The following NADK variants were observed in gnomAD, a reference collection of about 807,000 sequenced individuals.
The protein encoded by NADK is NAD kinase.
NADK carries 22 observed loss-of-function variants against 49.8 expected under a neutral mutation model. That is an observed-to-expected ratio of 0.44 (90% CI 0.32 to 0.63). The LOEUF (loss-of-function observed/expected upper bound fraction) is 0.63, where lower values mean the gene tolerates loss of function less well. Among genes scored for constraint, NADK ranks in the 30% least tolerant of loss-of-function variants. NADK has a pLI of 0.06. For missense variants in NADK, 438 were observed against 609.4 expected, an observed-to-expected ratio of 0.72 and a Z score of 2.96; for synonymous variants, 268 against 253.7, an observed-to-expected ratio of 1.06 and a Z score of -0.54.
intron 3 of NADK, chr1:1,761,747 G>T: frequency 1.9e-6 from 1 of 518,736 alleles, no homozygotes. Context: ...AGGGGGTTCA[G>T]GGAGGACGCC....
chr1:1,773,676 TTGTG>T (rs57063985), intron 1 of NADK, among the ~76,000 whole-genome samples: 9,151 of 116,458 alleles, frequency 0.079, 533 homozygotes, highest in African/African-American at 0.15. Context: ...AAGCTCTATT[TTGTG>T]TGTGTGTGTG....
chr1:1,753,885 C>T (rs1201531398), intron 10 of NADK, among the ~76,000 whole-genome samples, 166 bp downstream of exon 10: 2 of 152,200 alleles, frequency 1.3e-5, no homozygotes, highest in African/African-American at 2.4e-5. Context: ...ACTCGGGCAC[C>T]AGCAAGGGAA....
chr1:1,753,484 C>G, intron 11 of NADK, 83 bp downstream of exon 11: 1 of 1,190,710 alleles, frequency 8.4e-7, no homozygotes, highest in Non-Finnish European at 1.2e-6. Flanking sequence ...GCTGTGTCTA[C>G]AGGCCAACCG....
intron 3 of NADK, among the ~76,000 whole-genome samples, chr1:1,761,215 A>T (rs376307006): frequency 5.3e-5 from 8 of 151,728 alleles, no homozygotes; most frequent in African/African-American, 9.7e-5. Context: ...CTGGTCTTGA[A>T]CTCCTGACCT....
At chr1:1,762,072 T>A in intron 2 of NADK, 37 bp from the exon 3 acceptor site, 1 of 1,570,656 alleles carries the variant, frequency 6.4e-7, no homozygotes, top group Non-Finnish European at 8.8e-7. Flanking sequence ...CACCAGGGCC[T>A]GAAACCAGAC....
At chr1:1,758,955 C>T in intron 3 of NADK, 1 of 1,145,948 alleles carries the variant, frequency 8.7e-7, no homozygotes, top group Non-Finnish European at 1.2e-6. Flanking sequence ...AAGGGCGTTC[C>T]CTGCCTCCTA....
Position 1,754,721 on chromosome 1 carries a change from G to A in NADK, c.689-23C>T, listed in dbSNP as rs754096316. ...TCCCTGAGGTCCAGCAGGAGTCAGA[G>A]GGCATGCATCAGGGAAGTCAGTGGG... On this transcript the variant is annotated intron_variant, in intron 7 of 11. Transcript: ENST00000341426. The surrounding 1 kb of genome is among the most constrained non-coding windows in gnomAD (Gnocchi z 4.3). 1.3e-6 allele frequency: 2 copies of A among 1,598,838 alleles called. No individual in the cohort carries two copies. Among genetic ancestry groups the A allele is most frequent in the Non-Finnish European group, 8.5e-7 (1 of 1,172,750 alleles).
chr1:1,760,599 G>A (rs1168530253), intron 3 of NADK, among the ~76,000 whole-genome samples: 1 of 152,128 alleles, frequency 6.6e-6, no homozygotes, highest in African/African-American at 2.4e-5. Flanking sequence ...CCAGCAGCCT[G>A]CGCGCTGGAA....
chr1:1,753,713 C>G, intron 10 of NADK, 64 bp from the exon 11 acceptor site: 1 of 1,400,486 alleles, frequency 7.1e-7, no homozygotes, highest in Non-Finnish European at 9.9e-7. Context: ...TAGGCACCCA[C>G]CCCTGAGTGC....
At chr1:1,757,881 G>C (rs1300386786) in intron 3 of NADK, among the ~76,000 whole-genome samples, 1 of 152,052 alleles carries the variant, frequency 6.6e-6, no homozygotes, top group Non-Finnish European at 1.5e-5. Context: ...CACTCTCACA[G>C]TAAAAATCAC....
intron 1 of NADK, among the ~76,000 whole-genome samples, chr1:1,765,775 T>C (rs1645867701): frequency 1.3e-5 from 2 of 151,680 alleles, no homozygotes; most frequent in Admixed American, 6.6e-5. Flanking sequence ...AAATTAGCTG[T>C]GGTGGGCGCC....
At chr1:1,773,162 G>A (rs978031683) in intron 1 of NADK, among the ~76,000 whole-genome samples, 2 of 150,578 alleles carry the variant, frequency 1.3e-5, no homozygotes, top group African/African-American at 4.9e-5. Context: ...TTCCCCAGAC[G>A]AAGTCTCGCT....
intron 3 of NADK, among the ~76,000 whole-genome samples, chr1:1,760,825 T>G (rs148501111): frequency 6.6e-6 from 1 of 152,318 alleles, no homozygotes; most frequent in East Asian, 1.9e-4. Context: ...CTCTCAGGGC[T>G]GGCTGGGAGC....
At chr1:1,756,365 CAAG>C in intron 5 of NADK, 22 bp from the exon 6 acceptor site, 1 of 1,612,180 alleles carries the variant, frequency 6.2e-7, no homozygotes. Context: ...AAAGCAAAAC[CAAG>C]AAGAGGCTGT....
At chr1:1,766,627 T>C (rs999649492) in intron 1 of NADK, among the ~76,000 whole-genome samples, 3 of 151,738 alleles carry the variant, frequency 2.0e-5, no homozygotes, top group Non-Finnish European at 4.4e-5. Flanking sequence ...CTGACCAATA[T>C]TAAGCCTCAA....
intron 3 of NADK, chr1:1,759,632 G>T (rs1274276392): frequency 7.7e-7 from 1 of 1,298,192 alleles, no homozygotes; most frequent in Non-Finnish European, 1.0e-6. Flanking sequence ...GGGATGGGAA[G>T]CGGGAGGTTA....
intron 10 of NADK, 106 bp downstream of exon 10, chr1:1,753,934 ACGAGGCCGCGT>A: frequency 7.5e-7 from 1 of 1,325,006 alleles, no homozygotes; most frequent in South Asian, 1.4e-5. Flanking sequence ...CCCTAGGATG[ACGAGGCCGCGT>A]CTGAGGCTGG....
intron 1 of NADK, among the ~76,000 whole-genome samples, chr1:1,769,411 C>T (rs544257208): frequency 3.9e-5 from 6 of 152,090 alleles, no homozygotes; most frequent in African/African-American, 9.6e-5. Context: ...ATTAGCCGGG[C>T]GTGGTGGTGG....
In NADK at chr1:1,752,164, G is replaced by A. The variant is rs1217820420; in HGVS notation, c.*740C>T. ...TTGAAATCTTCACAAAAGTGTGTAC[G>A]AGAAAGTATGTACATCAGCACTTCA... On this transcript the variant is annotated 3_prime_UTR_variant, in exon 12 of 12. Coordinates refer to ENST00000341426, the MANE Select transcript of NADK (RefSeq NM_023018.5). The A allele has an allele frequency of 2.0e-5, 3 of 152,582 alleles. No individual in the cohort carries two copies. The allele number at this position is 152,582 out of a possible 1,614,324, so 9.5% of individuals were successfully genotyped here. A position where few individuals can be genotyped will look rare whatever the true frequency, so the allele number is the denominator to read the frequency against.
Sources: allele counts gnomAD v4.1 joint callset (sites outside exome capture counted in the v4.1 genomes callset), GRCh38; gene constraint gnomAD v4.1.1; non-coding constraint Gnocchi (gnomAD v3.1); transcripts MANE v1.5; gene names NCBI Gene and HGNC (gene_info 2026-07-23, HGNC 2026-07-21).